AP3D1: variants seen among roughly 807,000 people sequenced by gnomAD.
AP3D1 encodes the protein AP-3 complex subunit delta-1.
AP3D1 carries 51 observed loss-of-function variants against 147.6 expected under a neutral mutation model. The observed-to-expected ratio is 0.35, with a 90% CI of 0.28 to 0.44. AP3D1 has a LOEUF of 0.44. Among genes scored for constraint, AP3D1 ranks in the 20% least tolerant of loss-of-function variants. The pLI, the probability that AP3D1 is intolerant of heterozygous loss-of-function variation, is 1.00. For missense variants in AP3D1, 1,421 were observed against 1,624.2 expected (o/e 0.87, Z 2.15); for synonymous variants, 760 against 663.0 (o/e 1.15, Z -2.25).
rs929586587 is a variant in AP3D1 at position 2,111,164 on chromosome 19, G to C, written c.2985+121C>G. 3 of 1,299,066 alleles carry C rather than the reference G, an allele frequency of 2.3e-6. No individual in the cohort carries two copies. The African/African-American group carries it at 4.4e-5, about 19-fold the overall frequency. The allele number at this position is 1,299,066 out of a possible 1,614,324, so 80.5% of individuals were successfully genotyped here. A position where few individuals can be genotyped will look rare whatever the true frequency, so the allele number is the denominator to read the frequency against. The stretch of plus-strand genomic sequence containing the variant: ...GCTGCCCAAGCAACGCCCCTGCCAG[G>C]AATCACAGGCCCTGGGTATACCAAC... On this transcript the variant is annotated intron_variant, in intron 26 of 31. Transcript: ENST00000643116.
intron 31 of AP3D1, among the ~76,000 whole-genome samples, chr19:2,107,581 A>G (rs559730542): frequency 8.9e-4 from 136 of 152,074 alleles, no homozygotes; most frequent in Admixed American, 2.9e-3. Context: ...TCTACTAAAA[A>G]TACAAAAAAT....
chr19:2,152,315 G>T (rs1355937437), upstream of AP3D1, among the ~76,000 whole-genome samples: 2 of 152,038 alleles, frequency 1.3e-5, no homozygotes, highest in African/African-American at 4.8e-5. Flanking sequence ...GCCGTAAGCG[G>T]GAAGATCACT....
intron 1 of AP3D1, among the ~76,000 whole-genome samples, chr19:2,144,148 G>A (rs533672840): frequency 7.9e-5 from 12 of 151,404 alleles, no homozygotes; most frequent in South Asian, 2.1e-4. Context: ...GGGACGCGCC[G>A]GCGAAGTGGT....
chr19:2,110,925 C>T, intron 26 of AP3D1, 29 bp from the exon 27 acceptor site: 2 of 1,594,030 alleles, frequency 1.3e-6, no homozygotes, highest in African/African-American at 1.3e-5. Flanking sequence ...GTTAGCAGGG[C>T]AGGCGGGCCC....
At chr19:2,137,128 A>G (rs1377073092) in intron 3 of AP3D1, 37 bp from the exon 4 acceptor site, 1 of 1,529,618 alleles carries the variant, frequency 6.5e-7, no homozygotes, top group Admixed American at 1.9e-5. Flanking sequence ...GAGGCAGGAC[A>G]CCCGCAGCCT....
intron 31 of AP3D1, 48 bp from the exon 32 acceptor site, chr19:2,102,316 A>C (rs1464004037): frequency 6.6e-7 from 1 of 1,515,916 alleles, no homozygotes; most frequent in Admixed American, 1.7e-5. Context: ...TGCAGGGGCT[A>C]GGCACGGTGG....
chr19:2,115,103 G>T, intron 20 of AP3D1, 116 bp downstream of exon 20: 1 of 1,109,126 alleles, frequency 9.0e-7, no homozygotes. Context: ...CTCCGGGGTG[G>T]GGCCTCATCC....
chr19:2,104,397 G>A (rs1164899433), intron 31 of AP3D1, among the ~76,000 whole-genome samples: 1 of 147,996 alleles, frequency 6.8e-6, no homozygotes, highest in East Asian at 2.0e-4. Flanking sequence ...CCAACTCCAA[G>A]ACGCCAACAC....
At chr19:2,127,420 C>A (rs753975859) in intron 8 of AP3D1, among the ~76,000 whole-genome samples, 1 of 152,242 alleles carries the variant, frequency 6.6e-6, no homozygotes, top group Non-Finnish European at 1.5e-5. Flanking sequence ...TCTGCAACTG[C>A]AGGCCCGTGA....
At chr19:2,147,973 G>C (rs1038074898) in intron 1 of AP3D1, among the ~76,000 whole-genome samples, 1 of 151,728 alleles carries the variant, frequency 6.6e-6, no homozygotes, top group Non-Finnish European at 1.5e-5. Flanking sequence ...CACGAGGACA[G>C]GAGATTGAGA....
At chr19:2,120,828 A>G in intron 14 of AP3D1, 34 bp downstream of exon 14, 1 of 1,586,170 alleles carries the variant, frequency 6.3e-7, no homozygotes, top group Non-Finnish European at 8.6e-7. Flanking sequence ...AAGCTTGGAG[A>G]AGCTGCCAGC....
At chr19:2,156,542 TCAA>T (rs978115627), upstream of AP3D1, among the ~76,000 whole-genome samples, 2 of 140,392 alleles carry the variant, frequency 1.4e-5, no homozygotes, top group Non-Finnish European at 3.1e-5. Context: ...CACCCACCAA[TCAA>T]CAACGTTTAT....
intron 31 of AP3D1, 54 bp downstream of exon 31, chr19:2,108,633 T>C: frequency 6.7e-7 from 1 of 1,495,880 alleles, no homozygotes; most frequent in Non-Finnish European, 9.1e-7. Flanking sequence ...GGCCTGGGCA[T>C]GACCCCAGGA....
intron 1 of AP3D1, among the ~76,000 whole-genome samples, chr19:2,145,616 G>A (rs991177760): frequency 2.6e-5 from 4 of 152,098 alleles, no homozygotes; most frequent in Non-Finnish European, 4.4e-5. Flanking sequence ...CAGGGCTGGC[G>A]TCGCCGCTCC....
At chr19:2,118,316 T>C (rs2018514224) in intron 15 of AP3D1, among the ~76,000 whole-genome samples, 1 of 152,154 alleles carries the variant, frequency 6.6e-6, no homozygotes, top group Non-Finnish European at 1.5e-5. Context: ...TCACACCTGC[T>C]GTCTCGCCGC....
chr19:2,153,917 T>G (rs1044795634), upstream of AP3D1, among the ~76,000 whole-genome samples: 4 of 84,978 alleles, frequency 4.7e-5, no homozygotes, highest in Admixed American at 1.2e-4. Context: ...CTCCGCTCAC[T>G]GCGGCCTCTG....
At chr19:2,106,021 C>T (rs145323134) in intron 31 of AP3D1, among the ~76,000 whole-genome samples, 127 of 151,582 alleles carry the variant, frequency 8.4e-4, no homozygotes, top group African/African-American at 2.4e-3. Context: ...CGCTTGAACC[C>T]GGGAGGAGCT....
chr19:2,138,203 A>C (rs910046058), intron 2 of AP3D1, among the ~76,000 whole-genome samples: 23 of 152,120 alleles, frequency 1.5e-4, no homozygotes. Flanking sequence ...CAGAGGGAGG[A>C]GTGCCTGTCC....
At position 2,146,074 on chromosome 19, in the gene AP3D1, C is replaced by T. The variant is rs924624114; in HGVS notation, c.96+5165G>A. Among the ~76,000 whole-genome samples, 6 of 152,100 alleles carry T rather than the reference C, an allele frequency of 3.9e-5. No homozygotes were observed. In the East Asian group the frequency reaches 9.7e-4, roughly 25 times the overall value. On this transcript the variant is annotated intron_variant, in intron 1 of 31. Coordinates refer to ENST00000643116, the MANE Select transcript of AP3D1 (RefSeq NM_001261826.3). ...CTACGGCTTGAGTCCATTCATAAAA[C>T]GACCCCACATGGAAACCACCCACAT...
Sources: allele counts gnomAD v4.1 joint callset (sites outside exome capture counted in the v4.1 genomes callset), GRCh38; gene constraint gnomAD v4.1.1; transcripts MANE v1.5; gene names NCBI Gene and HGNC (gene_info 2026-07-23, HGNC 2026-07-21).